HIRA: variants seen among roughly 807,000 people sequenced by gnomAD.
HIRA encodes the protein histone cell cycle regulator.
HIRA carries 13 observed loss-of-function variants against 126.6 expected under a neutral mutation model. The observed-to-expected ratio is 0.10, with a 90% CI of 0.07 to 0.16. The LOEUF is 0.16. HIRA is among the 10% of genes least tolerant of loss of function. HIRA has a pLI of 1.00. For missense variants in HIRA, 834 were observed against 1,314.4 expected (o/e 0.63, Z 5.65); for synonymous variants, 511 against 520.0 (o/e 0.98, Z 0.24).
At chr22:19,378,102 G>T in intron 13 of HIRA, 36 bp from the exon 14 acceptor site, 1 of 1,474,644 alleles carries the variant, frequency 6.8e-7, no homozygotes, top group Non-Finnish European at 9.1e-7. Flanking sequence ...AGCCTTGAAA[G>T]TCAGGTGCCA....
chr22:19,370,503 C>T (rs910318522), intron 15 of HIRA, among the ~76,000 whole-genome samples: 4 of 152,156 alleles, frequency 2.6e-5, no homozygotes, highest in African/African-American at 9.7e-5. Context: ...CTCGGCCTCC[C>T]AGAATGCTAG....
chr22:19,338,058 T>C (rs2088586309), intron 24 of HIRA, among the ~76,000 whole-genome samples: 1 of 152,030 alleles, frequency 6.6e-6, no homozygotes, highest in African/African-American at 2.4e-5. Flanking sequence ...TCCCTAAGTG[T>C]TGGGATTACA....
chr22:19,393,392 C>G (rs1052235455), intron 8 of HIRA, among the ~76,000 whole-genome samples: 1 of 152,142 alleles, frequency 6.6e-6, no homozygotes, highest in Non-Finnish European at 1.5e-5. Flanking sequence ...GAGTCTCGCT[C>G]TGTCGCCCAG....
At chr22:19,397,075 C>A in intron 6 of HIRA, 128 bp from the exon 7 acceptor site, 1 of 754,748 alleles carries the variant, frequency 1.3e-6, no homozygotes, top group South Asian at 1.8e-5. Context: ...CCACACCAGA[C>A]AGAAGCAGAA....
intron 15 of HIRA, among the ~76,000 whole-genome samples, chr22:19,372,875 C>CT (rs1365108364): frequency 6.6e-6 from 1 of 152,074 alleles, no homozygotes; most frequent in Non-Finnish European, 1.5e-5. Context: ...CCTGGCCAAG[C>CT]TTTTAATTTT....
intron 1 of HIRA, among the ~76,000 whole-genome samples, chr22:19,414,834 C>T (rs1401800262): frequency 6.6e-6 from 1 of 152,112 alleles, no homozygotes; most frequent in East Asian, 1.9e-4. Context: ...CCAGCCTGAC[C>T]AACAGGCGCA....
At chr22:19,350,407 C>T (rs1342071730) in intron 24 of HIRA, among the ~76,000 whole-genome samples, 1 of 152,192 alleles carries the variant, frequency 6.6e-6, no homozygotes, top group African/African-American at 2.4e-5. Flanking sequence ...CCATCCCCCA[C>T]CAACCTGTTA....
At chr22:19,391,875 T>C (rs190994621) in intron 9 of HIRA, among the ~76,000 whole-genome samples, 70 of 152,314 alleles carry the variant, frequency 4.6e-4, no homozygotes, top group Non-Finnish European at 8.7e-4. Flanking sequence ...AGAGCTGGTC[T>C]AGGTGGGGGT....
intron 1 of HIRA, among the ~76,000 whole-genome samples, chr22:19,420,283 C>T (rs2089433666): frequency 6.6e-6 from 1 of 151,734 alleles, no homozygotes; most frequent in South Asian, 2.1e-4. Context: ...CATGGTGAAC[C>T]CCATCTCTAC....
intron 15 of HIRA, among the ~76,000 whole-genome samples, chr22:19,368,286 A>G (rs1264515615): frequency 6.6e-6 from 1 of 151,822 alleles, no homozygotes; most frequent in Non-Finnish European, 1.5e-5. Flanking sequence ...TGGGAAGACA[A>G]GAGGCCCATG....
chr22:19,421,757 C>G (rs1411795763), intron 1 of HIRA, among the ~76,000 whole-genome samples: 3 of 152,142 alleles, frequency 2.0e-5, no homozygotes, highest in Non-Finnish European at 4.4e-5. Flanking sequence ...CTGCAACCTC[C>G]CACTCTGGGT....
At chr22:19,336,587 A>G (rs1241520038) in intron 24 of HIRA, among the ~76,000 whole-genome samples, 27 of 152,256 alleles carry the variant, frequency 1.8e-4, no homozygotes, top group Admixed American at 1.6e-3. Context: ...CATTTGAGAA[A>G]GCCTGCACAC....
In HIRA at chr22:19,407,244, C is replaced by T. The variant is rs2089315364; in HGVS notation, c.242G>A (p.Ser81Asn). 1 of 1,613,942 alleles carries T rather than the reference C, an allele frequency of 6.2e-7. No individual in the cohort carries two copies. ...TCCCCCAGAAGCTAAATACATCCCA[C>T]TGTTTGACCACCGCACACAGTTCAC... ...ACVNCVRWSN[S>N]GMYLASGGDD... The change falls in exon 4 of 25, where the codon AGT (serine) becomes AAT (asparagine). Residue 81 changes from serine to asparagine, a missense_variant. Physicochemically the swap from Ser to Asn is conservative, Grantham distance 46. Around this residue, in one of 5 missense-constraint regions of HIRA, gnomAD observed 102 missense variants for 191.4 expected, o/e 0.53. Coordinates refer to ENST00000263208, the MANE Select transcript of HIRA (RefSeq NM_003325.4).
At chr22:19,406,091 T>A (rs2089305819) in intron 4 of HIRA, among the ~76,000 whole-genome samples, 1 of 152,116 alleles carries the variant, frequency 6.6e-6, no homozygotes, top group Admixed American at 6.5e-5. Flanking sequence ...AAATCTTGCA[T>A]GGGAAAACGT....
intron 15 of HIRA, among the ~76,000 whole-genome samples, chr22:19,371,045 C>G (rs1045858032): frequency 3.0e-4 from 45 of 152,166 alleles, no homozygotes; most frequent in African/African-American, 1.1e-3. Context: ...AGATAAGGGC[C>G]ACAGAAAGCC....
At chr22:19,415,858 A>G (rs543697666) in intron 1 of HIRA, among the ~76,000 whole-genome samples, 1 of 152,256 alleles carries the variant, frequency 6.6e-6, no homozygotes, top group East Asian at 1.9e-4. Context: ...GAAAATCCCA[A>G]TGGTACTTTC....
At chr22:19,426,251 G>C (rs1217829574) in intron 1 of HIRA, among the ~76,000 whole-genome samples, 2 of 152,108 alleles carry the variant, frequency 1.3e-5, no homozygotes, top group African/African-American at 2.4e-5. Context: ...GTTTCATCCA[G>C]CTTCCTCAGA....
intron 13 of HIRA, among the ~76,000 whole-genome samples, chr22:19,379,398 G>A (rs763743560): frequency 1.1e-4 from 17 of 150,878 alleles, no homozygotes; most frequent in Non-Finnish European, 1.8e-4. Context: ...AGGCCGAGGC[G>A]GGTGGATCAC....
intron 5 of HIRA, among the ~76,000 whole-genome samples, chr22:19,404,505 C>T (rs2089293474): frequency 6.6e-6 from 1 of 152,216 alleles, no homozygotes; most frequent in African/African-American, 2.4e-5. Flanking sequence ...TAACACAACA[C>T]TAACCGTTTC....
Sources: gnomAD v4.1 joint callset for allele counts (sites outside exome capture counted in the v4.1 genomes callset) on GRCh38, gnomAD v4.1.1 for gene constraint, gnomAD v4.1.1 regional missense constraint, MANE v1.5 for transcripts, NCBI Gene and HGNC (gene_info 2026-07-23, HGNC 2026-07-21) for gene names.